Variants in R3HDM1 observed in about 807,000 individuals in gnomAD.
R3HDM1 encodes R3H domain-containing protein 1.
A neutral mutation model predicts 141.1 loss-of-function variants in R3HDM1; 46 were observed. The observed-to-expected ratio is 0.33, with a 90% CI of 0.26 to 0.42. The LOEUF is 0.42. Among genes scored for constraint, R3HDM1 ranks in the 10% least tolerant of loss-of-function variants. The pLI, the probability that R3HDM1 is intolerant of heterozygous loss-of-function variation, is 1.00. For missense variants in R3HDM1, 1,184 were observed against 1,368.3 expected (o/e 0.87, Z 2.12); for synonymous variants, 435 against 472.9 (o/e 0.92, Z 1.04).
intron 1 of R3HDM1, among the ~76,000 whole-genome samples, chr2:135,531,906 G>A (rs1003478742): frequency 1.3e-5 from 2 of 152,324 alleles, no homozygotes; most frequent in East Asian, 1.9e-4. Flanking sequence ...TGCAGCCACT[G>A]CCTTGTGCCC....
At position 135,636,116 on chromosome 2, in the gene R3HDM1, G is replaced by C. The variant is rs892800114; in HGVS notation, c.836G>C (p.Arg279Thr). The C allele has an allele frequency of 1.2e-6, 2 of 1,612,738 alleles. No homozygotes were observed. The highest frequency in any genetic ancestry group is 2.7e-5 in the African/African-American group (2 of 74,858). The change falls in exon 11 of 27, where the codon AGA becomes ACA. Residue 279 changes from arginine (R) to threonine (T), a missense_variant. Transcript: ENST00000683871. Reference protein sequence around the residue: ...QMRIRLKDDRRSKSIEEREEE... With the variant: ...QMRIRLKDDRTSKSIEEREEE... ...AGAATACGTTTGAAAGATGACAGAA[G>C]AAGCAAATCTATAGAAGAAAGAGAA...
chr2:135,623,435 G>T (rs986729553), intron 7 of R3HDM1, among the ~76,000 whole-genome samples: 1 of 152,132 alleles, frequency 6.6e-6, no homozygotes, highest in African/African-American at 2.4e-5. Context: ...ATGGGCACAC[G>T]GAAGATAAGA....
At chr2:135,576,932 T>C (rs190767500) in intron 1 of R3HDM1, 49 of 242,006 alleles carry the variant, frequency 2.0e-4, no homozygotes, top group Non-Finnish European at 6.7e-5. Flanking sequence ...TTTATTGTGA[T>C]GGCTACACAA....
intron 1 of R3HDM1, chr2:135,583,990 G>A: frequency 2.0e-6 from 2 of 985,360 alleles, no homozygotes; most frequent in Non-Finnish European, 2.4e-6. Flanking sequence ...TTCCAAAATG[G>A]ATAGCACAAA....
chr2:135,570,647 G>A (rs1703902229), intron 1 of R3HDM1, among the ~76,000 whole-genome samples: 1 of 152,180 alleles, frequency 6.6e-6, no homozygotes, highest in Non-Finnish European at 1.5e-5. Flanking sequence ...ATAAAAATTA[G>A]TTCTCCCAAA....
At chr2:135,633,572 C>A (rs2062940850) in intron 9 of R3HDM1, 1 of 151,286 alleles carries the variant, frequency 6.6e-6, no homozygotes. Flanking sequence ...CAGTTCAAAT[C>A]ATTCAAGTTA....
chr2:135,626,209 G>GCTTGCT lies in R3HDM1; in HGVS notation c.497+3477_497+3478insCTTGCT, dbSNP rs1553576640. ...CGTGCGTGCGTGCGTGCGTGCGTGC[G>GCTTGCT]TGCTTGCTTGCTTGCTTGCTTGCTT... On this transcript the variant is annotated intron_variant, in intron 7 of 26. Transcript: ENST00000683871. Among the ~76,000 whole-genome samples the GCTTGCT allele has an allele frequency of 7.5e-4, 108 of 143,434 alleles. 1 individual carries two copies. Among genetic ancestry groups the GCTTGCT allele is most frequent in the African/African-American group, 2.2e-3 (76 of 34,194 alleles). 94.1% of individuals were successfully genotyped at this position (143,434 alleles called of 152,430 possible). A position where few individuals can be genotyped will look rare whatever the true frequency, so the allele number is the denominator to read the frequency against.
At chr2:135,588,176 T>C (rs545492600) in intron 1 of R3HDM1, among the ~76,000 whole-genome samples, 1 of 152,232 alleles carries the variant, frequency 6.6e-6, no homozygotes, top group African/African-American at 2.4e-5. Flanking sequence ...TTTCCCACTG[T>C]GTCTTGGTCT....
At chr2:135,635,261 G>C (rs2063143029) in intron 9 of R3HDM1, among the ~76,000 whole-genome samples, 1 of 152,118 alleles carries the variant, frequency 6.6e-6, no homozygotes, top group African/African-American at 2.4e-5. Flanking sequence ...ACCAAACTAG[G>C]TACCATAGGA....
At chr2:135,601,429 C>T (rs773220524) in intron 1 of R3HDM1, among the ~76,000 whole-genome samples, 3 of 152,104 alleles carry the variant, frequency 2.0e-5, no homozygotes, top group Non-Finnish European at 4.4e-5. Context: ...ATAATGCATG[C>T]TTGGCTGTCT....
chr2:135,609,895 T>G (rs2060377523), intron 3 of R3HDM1, among the ~76,000 whole-genome samples: 1 of 151,836 alleles, frequency 6.6e-6, no homozygotes, highest in East Asian at 1.9e-4. Context: ...AATAAAAAAA[T>G]TAGCTGGATG....
chr2:135,556,219 G>A, intron 1 of R3HDM1, among the ~76,000 whole-genome samples: 1 of 152,190 alleles, frequency 6.6e-6, no homozygotes, highest in Non-Finnish European at 1.5e-5. Flanking sequence ...CTGGGAGAAT[G>A]GAGGGGATTA....
chr2:135,555,616 G>A (rs1285263108), intron 1 of R3HDM1, among the ~76,000 whole-genome samples: 2 of 152,162 alleles, frequency 1.3e-5, no homozygotes, highest in African/African-American at 2.4e-5. Flanking sequence ...GTACACCAAC[G>A]TTTATAGCAG....
rs533325083 is a variant in R3HDM1 at position 135,699,654 on chromosome 2, T to G, written c.2460-9779T>G. 2.4e-4 allele frequency among the ~76,000 whole-genome samples: 37 copies of G among 152,286 alleles called. No homozygotes were observed. The South Asian group carries it at 5.4e-3, about 22-fold the overall frequency. ...GAAGAATGTTCTAAAGTTTTGTAAA[T>G]GTAGAAATCCATTACAGCTATATTA... On this transcript the variant is annotated intron_variant, in intron 21 of 26. Transcript: ENST00000683871.
intron 19 of R3HDM1, among the ~76,000 whole-genome samples, chr2:135,671,400 G>A (rs550660280): frequency 3.3e-5 from 5 of 151,618 alleles, no homozygotes; most frequent in Admixed American, 2.0e-4. Context: ...ATGGAGTTTC[G>A]CTCTTGTCGC....
In R3HDM1 at chr2:135,645,375, TCAG is replaced by T; in HGVS notation, c.1475-3_1475-1del. 6.3e-7 allele frequency: 1 copy of T among 1,583,562 alleles called. No homozygotes were observed. Among genetic ancestry groups the T allele is most frequent in the African/African-American group, 1.3e-5 (1 of 74,112 alleles). The stretch of plus-strand genomic sequence containing the variant: ...ATTTTTTTCCCTCTTTTTGAATTTT[TCAG>T]GTCAGCCCTTCATAAACCCAGATGG... On this transcript the variant is annotated splice_acceptor_variant and splice_polypyrimidine_tract_variant and intron_variant, in intron 15 of 26. Transcript: ENST00000683871. LOFTEE classifies it high-confidence loss of function.
At chr2:135,629,933 T>C (rs2062466315) in intron 7 of R3HDM1, among the ~76,000 whole-genome samples, 1 of 151,960 alleles carries the variant, frequency 6.6e-6, no homozygotes, top group Admixed American at 6.6e-5. Context: ...ACTCCTGCTG[T>C]AGTAGTCAAG....
intron 1 of R3HDM1, among the ~76,000 whole-genome samples, chr2:135,533,501 C>T (rs1695373854): frequency 6.6e-6 from 1 of 152,230 alleles, no homozygotes; most frequent in Non-Finnish European, 1.5e-5. Context: ...GCTGTTGGAT[C>T]CCTCCATGAA....
chr2:135,670,714 C>A (rs1382989625), intron 19 of R3HDM1, among the ~76,000 whole-genome samples: 1 of 151,836 alleles, frequency 6.6e-6, no homozygotes, highest in Non-Finnish European at 1.5e-5. Flanking sequence ...CTATAAAAGT[C>A]TTTTTTATGC....
Sources: allele counts gnomAD v4.1 joint callset (sites outside exome capture counted in the v4.1 genomes callset), GRCh38; gene constraint gnomAD v4.1.1; transcripts MANE v1.5; gene names NCBI Gene and HGNC (gene_info 2026-07-23, HGNC 2026-07-21).